ARHGAP26: variants seen among roughly 807,000 people sequenced by gnomAD.
The protein encoded by ARHGAP26 is rho GTPase-activating protein 26.
Under a neutral mutation model 104.8 loss-of-function variants are expected in ARHGAP26, and 38 were observed. That is an observed-to-expected ratio of 0.36 (90% CI 0.28 to 0.48). The LOEUF is 0.48. Ranked by LOEUF, ARHGAP26 falls within the 20% of genes least tolerant of loss-of-function variation. ARHGAP26 has a pLI of 0.99. For synonymous variants in ARHGAP26, 341 were observed against 340.0 expected (o/e 1.00, Z -0.03); for missense variants, 704 against 947.9 (o/e 0.74, Z 3.38).
chr5:143,002,833 G>A (rs1777382403), intron 11 of ARHGAP26, among the ~76,000 whole-genome samples: 1 of 152,182 alleles, frequency 6.6e-6, no homozygotes, highest in Non-Finnish European at 1.5e-5. Context: ...CAGGATTGCT[G>A]AATATGAAAT....
chr5:142,917,870 T>C (rs1198813242), intron 10 of ARHGAP26, among the ~76,000 whole-genome samples: 1 of 152,158 alleles, frequency 6.6e-6, no homozygotes, highest in East Asian at 1.9e-4. Flanking sequence ...CTCTTTTTTT[T>C]TTTAATCCAG....
rs1414307393 is a variant in ARHGAP26 at position 142,873,386 on chromosome 5, C to G, written c.155-14C>G. 3.1e-6 allele frequency: 5 copies of G among 1,587,728 alleles called. No individual in the cohort carries two copies. Among genetic ancestry groups the G allele is most frequent in the Non-Finnish European group, 4.3e-6 (5 of 1,170,158 alleles). ...TTTAGTAATTCCTGATTTTTCCTGT[C>G]TTTTTCTTGCTAGATTTGTCTTCAG... On this transcript the variant is annotated splice_polypyrimidine_tract_variant and intron_variant, in intron 1 of 22. Transcript: ENST00000645722.
At chr5:143,004,260 A>G (rs182938883) in intron 11 of ARHGAP26, among the ~76,000 whole-genome samples, 1 of 152,298 alleles carries the variant, frequency 6.6e-6, no homozygotes, top group East Asian at 1.9e-4. Context: ...CAGTTAGTCC[A>G]CAAGGACTCA....
chr5:142,805,645 A>T (rs972197067), intron 1 of ARHGAP26, among the ~76,000 whole-genome samples: 4 of 152,138 alleles, frequency 2.6e-5, no homozygotes, highest in African/African-American at 7.2e-5. Flanking sequence ...AGTGTGACTG[A>T]GGTTTGGAAT....
intron 21 of ARHGAP26, among the ~76,000 whole-genome samples, chr5:143,213,012 G>A (rs1809754691): frequency 6.6e-6 from 1 of 152,206 alleles, no homozygotes; most frequent in Non-Finnish European, 1.5e-5. Flanking sequence ...AGGCTTGGTA[G>A]CAGGCGCCTG....
chr5:143,117,388 A>G (rs1795605911), intron 17 of ARHGAP26, among the ~76,000 whole-genome samples: 1 of 152,156 alleles, frequency 6.6e-6, no homozygotes. Flanking sequence ...TCTGTCCGGG[A>G]TACATAGAGA....
In ARHGAP26 at chr5:143,227,602, T is replaced by G. The variant is rs1053549557; in HGVS notation, c.*5156T>G. Reference sequence around the variant, plus strand: ...AAGACTCCAACAAGTAATAATTAGCTTTTTTTCTCCTGCCGCCTACAGTAC... The same window carrying G: ...AAGACTCCAACAAGTAATAATTAGCGTTTTTTCTCCTGCCGCCTACAGTAC... On this transcript the variant is annotated 3_prime_UTR_variant, in exon 23 of 23. Coordinates refer to ENST00000645722, the MANE Select transcript of ARHGAP26 (RefSeq NM_001135608.3). 4.4e-6 allele frequency: 1 copy of G among 229,202 alleles called. No homozygotes were observed. The highest frequency in any genetic ancestry group is 8.7e-6 in the Non-Finnish European group (1 of 115,590). 14.2% of individuals were successfully genotyped at this position (229,202 alleles called of 1,614,324 possible). A position where few individuals can be genotyped will look rare whatever the true frequency, so the allele number is the denominator to read the frequency against.
At chr5:143,048,912 CAAAAA>C (rs1225332415) in intron 14 of ARHGAP26, among the ~76,000 whole-genome samples, 1 of 55,488 alleles carries the variant, frequency 1.8e-5, no homozygotes, top group Non-Finnish European at 3.7e-5. Context: ...GACTCCATCT[CAAAAA>C]AGAAAAAAAA....
chr5:143,006,058 T>TG (rs1458089341), intron 11 of ARHGAP26, among the ~76,000 whole-genome samples: 6 of 152,256 alleles, frequency 3.9e-5, no homozygotes, highest in African/African-American at 1.4e-4. Context: ...CACACAGGGG[T>TG]GGAACATAGA....
chr5:143,191,451 G>A (rs975390635), intron 20 of ARHGAP26, among the ~76,000 whole-genome samples: 3 of 152,144 alleles, frequency 2.0e-5, no homozygotes, highest in Non-Finnish European at 2.9e-5. Flanking sequence ...ATTAGTGGCC[G>A]AGAACAGAAA....
At chr5:142,943,886 T>G (rs1241831146) in intron 11 of ARHGAP26, among the ~76,000 whole-genome samples, 2 of 152,162 alleles carry the variant, frequency 1.3e-5, no homozygotes, top group Non-Finnish European at 2.9e-5. Flanking sequence ...TATATTAGCT[T>G]AACCTTTGGG....
intron 1 of ARHGAP26, chr5:142,772,649 G>C (rs1755457112): frequency 2.1e-6 from 1 of 465,518 alleles, no homozygotes; most frequent in South Asian, 1.6e-5. Context: ...CAGAGACTGG[G>C]GGAAGCATTA....
chr5:143,015,188 A>G (rs924315103), intron 12 of ARHGAP26, among the ~76,000 whole-genome samples: 1 of 152,248 alleles, frequency 6.6e-6, no homozygotes, highest in African/African-American at 2.4e-5. Flanking sequence ...GAAAAATTTC[A>G]AGTAAATATG....
intron 17 of ARHGAP26, among the ~76,000 whole-genome samples, chr5:143,112,675 A>G (rs955651302): frequency 6.6e-6 from 1 of 152,122 alleles, no homozygotes; most frequent in Non-Finnish European, 1.5e-5. Context: ...GAATTTGACT[A>G]CTTTAAGTAC....
At chr5:142,926,927 A>G (rs1364370013) in intron 10 of ARHGAP26, among the ~76,000 whole-genome samples, 1 of 152,164 alleles carries the variant, frequency 6.6e-6, no homozygotes, top group Non-Finnish European at 1.5e-5. Context: ...AATGCCGCAT[A>G]CACTTCTCAT....
At chr5:143,100,902 C>T (rs1304038469) in intron 17 of ARHGAP26, among the ~76,000 whole-genome samples, 2 of 152,150 alleles carry the variant, frequency 1.3e-5, no homozygotes, top group Admixed American at 6.5e-5. Context: ...ACCAGCCTGG[C>T]CAACATGGCG....
At chr5:142,850,900 A>G (rs770235581) in intron 1 of ARHGAP26, among the ~76,000 whole-genome samples, 32 of 152,238 alleles carry the variant, frequency 2.1e-4, no homozygotes, top group Non-Finnish European at 3.5e-4. Context: ...CAATGCTTCT[A>G]CTGTGCAAAT....
chr5:142,814,411 G>A (rs977273670), intron 1 of ARHGAP26, among the ~76,000 whole-genome samples: 1 of 152,252 alleles, frequency 6.6e-6, no homozygotes, highest in East Asian at 1.9e-4. Flanking sequence ...AGGATATTAA[G>A]TATTGCCATG....
In ARHGAP26 at chr5:142,770,690, G is replaced by T; in HGVS notation, c.-72G>T. ...GGGGAGCCGGCCGGGGTCCCGCCGC[G>T]TGAGTGCTCTGGGCGGCGGGCGGCC... On this transcript the variant is annotated 5_prime_UTR_variant, in exon 1 of 23. Transcript: ENST00000645722. 9.6e-7 allele frequency: 1 copy of T among 1,045,084 alleles called. No homozygotes were observed. The highest frequency in any genetic ancestry group is 1.2e-6 in the Non-Finnish European group (1 of 857,210). 64.7% of individuals were successfully genotyped at this position (1,045,084 alleles called of 1,614,324 possible). A position where few individuals can be genotyped will look rare whatever the true frequency, so the allele number is the denominator to read the frequency against.
Sources: gnomAD v4.1 joint callset for allele counts (sites outside exome capture counted in the v4.1 genomes callset) on GRCh38, gnomAD v4.1.1 for gene constraint, MANE v1.5 for transcripts, NCBI Gene and HGNC (gene_info 2026-07-23, HGNC 2026-07-21) for gene names.